Variants in ST3GAL3 observed in about 807,000 individuals in gnomAD.
ST3GAL3 encodes the protein CMP-N-acetylneuraminate-beta-1,4-galactoside alpha-2,3-sialyltransferase.
A neutral mutation model predicts 50.1 loss-of-function variants in ST3GAL3; 21 were observed. The ratio of observed to expected loss-of-function variants is 0.42; its 90% CI spans 0.30 to 0.60. ST3GAL3 has a LOEUF of 0.60. Ranked by LOEUF, ST3GAL3 falls within the 20% of genes least tolerant of loss-of-function variation. The pLI is 0.19. For synonymous variants in ST3GAL3, 183 were observed against 190.0 expected, an observed-to-expected ratio of 0.96 and a Z score of 0.30; for missense variants, 353 against 489.4, an observed-to-expected ratio of 0.72 and a Z score of 2.63.
intron 5 of ST3GAL3, among the ~76,000 whole-genome samples, chr1:43,884,965 G>A (rs2075736651): frequency 6.6e-6 from 1 of 152,164 alleles, no homozygotes; most frequent in Admixed American, 6.5e-5. Flanking sequence ...TCCTTAATAA[G>A]ACCAGTCAGC....
chr1:43,803,395 G>A (rs953103102), intron 3 of ST3GAL3, among the ~76,000 whole-genome samples: 4 of 151,716 alleles, frequency 2.6e-5, no homozygotes, highest in African/African-American at 4.8e-5. Context: ...AAAGGAATGT[G>A]CATTCACCAT....
At chr1:43,790,633 C>CCTT (rs2057942004) in intron 2 of ST3GAL3, among the ~76,000 whole-genome samples, 1 of 125,724 alleles carries the variant, frequency 8.0e-6, no homozygotes, top group African/African-American at 3.1e-5. Context: ...ATGGCGTCTC[C>CCTT]TTTTTTTTTT....
At chr1:43,806,547 CAAG>C (rs1052818253) in intron 3 of ST3GAL3, among the ~76,000 whole-genome samples, 2 of 152,076 alleles carry the variant, frequency 1.3e-5, no homozygotes, top group African/African-American at 4.8e-5. Context: ...CATTTAAAAA[CAAG>C]AAGGATCAAG....
At chr1:43,879,600 C>T (rs756149718) in intron 5 of ST3GAL3, 4 of 360,842 alleles carry the variant, frequency 1.1e-5, no homozygotes, top group Non-Finnish European at 2.2e-5. Context: ...AGAGATGAGT[C>T]AAGAATGACT....
chr1:43,712,244 G>T (rs1665137194), intron 1 of ST3GAL3, among the ~76,000 whole-genome samples: 1 of 152,198 alleles, frequency 6.6e-6, no homozygotes, highest in Non-Finnish European at 1.5e-5. Context: ...GCTGCAGCAA[G>T]GTTAGAAGAA....
chr1:43,771,570 G>A (rs962974717), intron 2 of ST3GAL3, among the ~76,000 whole-genome samples: 6 of 152,098 alleles, frequency 3.9e-5, no homozygotes, highest in South Asian at 4.1e-4. Flanking sequence ...TGTTAGCCAG[G>A]ATGGTCTCGA....
At chr1:43,864,328 G>A (rs1208776976) in intron 5 of ST3GAL3, among the ~76,000 whole-genome samples, 1 of 152,192 alleles carries the variant, frequency 6.6e-6, no homozygotes, top group Non-Finnish European at 1.5e-5. Context: ...GGTTACTGTA[G>A]CAACAGAGCA....
chr1:43,901,644 C>T (rs189850126), intron 9 of ST3GAL3, among the ~76,000 whole-genome samples: 64 of 152,344 alleles, frequency 4.2e-4, no homozygotes, highest in African/African-American at 1.5e-3. Flanking sequence ...AGGAGCTCTC[C>T]GCCTGGCCTG....
At chr1:43,759,434 AC>A in intron 2 of ST3GAL3, among the ~76,000 whole-genome samples, 1 of 152,186 alleles carries the variant, frequency 6.6e-6, no homozygotes, top group East Asian at 1.9e-4. Flanking sequence ...ACAGAGCGAG[AC>A]TCCATCTCAA....
At chr1:43,858,651 G>A (rs770947081) in intron 5 of ST3GAL3, among the ~76,000 whole-genome samples, 2 of 152,204 alleles carry the variant, frequency 1.3e-5, no homozygotes, top group Non-Finnish European at 2.9e-5. Flanking sequence ...GTTCCTCAGT[G>A]AGAGGGAGGG....
chr1:43,894,589 C>G (rs544573412), intron 6 of ST3GAL3, 112 bp downstream of exon 6: 1 of 937,278 alleles, frequency 1.1e-6, no homozygotes, highest in African/African-American at 1.6e-5. Context: ...CACCCTTCCT[C>G]TACTCTCAAC....
At chr1:43,755,341 G>T (rs901793537) in intron 2 of ST3GAL3, among the ~76,000 whole-genome samples, 3 of 152,176 alleles carry the variant, frequency 2.0e-5, no homozygotes, top group African/African-American at 2.4e-5. Flanking sequence ...AAATTAGAAA[G>T]CTAGATAATG....
chr1:43,714,496 T>C (rs1490815765), intron 1 of ST3GAL3, among the ~76,000 whole-genome samples: 2 of 142,062 alleles, frequency 1.4e-5, no homozygotes, highest in African/African-American at 5.3e-5. Context: ...TCCCAGCTGC[T>C]CTGGAGGCTG....
At chr1:43,851,265 T>C (rs2067250735) in intron 5 of ST3GAL3, 2 of 1,579,766 alleles carry the variant, frequency 1.3e-6, no homozygotes, top group East Asian at 2.2e-5. Flanking sequence ...GCAGAGATTT[T>C]CTTCTTGTCT....
intron 9 of ST3GAL3, among the ~76,000 whole-genome samples, chr1:43,906,114 TC>T (rs1258300725): frequency 1.1e-5 from 1 of 90,460 alleles, no homozygotes; most frequent in Non-Finnish European, 2.2e-5. Flanking sequence ...CCACTTTTCC[TC>T]CCCCTCTTCC....
At chr1:43,802,467 G>C (rs1260140115) in intron 3 of ST3GAL3, among the ~76,000 whole-genome samples, 2 of 152,218 alleles carry the variant, frequency 1.3e-5, no homozygotes, top group East Asian at 1.9e-4. Flanking sequence ...GTTGCAAAAT[G>C]TATATGAATT....
At chr1:43,828,358 T>C (rs2063094330) in intron 4 of ST3GAL3, among the ~76,000 whole-genome samples, 3 of 152,102 alleles carry the variant, frequency 2.0e-5, no homozygotes, top group Admixed American at 2.0e-4. Context: ...TTTTTAGATA[T>C]AAAACCAAAA....
intron 2 of ST3GAL3, among the ~76,000 whole-genome samples, chr1:43,757,260 G>T (rs7539311): frequency 0.076 from 11,605 of 151,976 alleles, 1,474 homozygotes; most frequent in African/African-American, 0.27. Flanking sequence ...AGAAGGCTTG[G>T]GTTTTTTTGT....
chr1:43,819,021 A>C (rs1342470720), intron 4 of ST3GAL3: 1 of 152,228 alleles, frequency 6.6e-6, no homozygotes, highest in Non-Finnish European at 1.5e-5. Flanking sequence ...GAAAGCATCC[A>C]TATATAGTAC....
Sources: allele counts gnomAD v4.1 joint callset (sites outside exome capture counted in the v4.1 genomes callset), GRCh38; gene constraint gnomAD v4.1.1; transcripts MANE v1.5; gene names NCBI Gene and HGNC (gene_info 2026-07-23, HGNC 2026-07-21).